Variants in DAG1 observed in about 807,000 individuals in gnomAD.
DAG1 encodes dystroglycan 1 (dystrophin-associated glycoprotein 1).
A neutral mutation model predicts 46.1 loss-of-function variants in DAG1; 8 were observed. That is an observed-to-expected ratio of 0.17 (90% confidence interval 0.10 to 0.31). The LOEUF (loss-of-function observed/expected upper bound fraction) is 0.31, where lower values mean the gene tolerates loss of function less well. Ranked by LOEUF, DAG1 falls within the 10% of genes least tolerant of loss-of-function variation. DAG1 has a pLI of 1.00. For missense variants in DAG1, 1,003 were observed against 1,189.9 expected, an observed-to-expected ratio of 0.84 and a Z score of 2.31; for synonymous variants, 495 against 481.8, an observed-to-expected ratio of 1.03 and a Z score of -0.36.
chr3:49,483,308 A>G (rs1445671318), intron 1 of DAG1, among the ~76,000 whole-genome samples: 1 of 150,568 alleles, frequency 6.6e-6, no homozygotes, highest in Non-Finnish European at 1.5e-5. Context: ...GATTCAAGTG[A>G]TTCTCCTGCC....
At chr3:49,513,904 T>C (rs2050826799) in intron 2 of DAG1, among the ~76,000 whole-genome samples, 1 of 152,320 alleles carries the variant, frequency 6.6e-6, no homozygotes, top group South Asian at 2.1e-4. Context: ...TTGGTTGCCT[T>C]TGTTCCAGTA....
At chr3:49,484,316 C>T (rs978605548) in intron 1 of DAG1, among the ~76,000 whole-genome samples, 6 of 151,964 alleles carry the variant, frequency 3.9e-5, no homozygotes, top group Non-Finnish European at 7.4e-5. Flanking sequence ...TAGCAGGAGA[C>T]GTTGGTTCTT....
chr3:49,510,226 T>C (rs2050725082), intron 1 of DAG1, 193 bp from the exon 2 acceptor site: 2 of 521,988 alleles, frequency 3.8e-6, no homozygotes, highest in Non-Finnish European at 6.7e-6. Context: ...GTATATTTTA[T>C]ATTTAATGGA....
chr3:49,521,062 A>G (rs1313126229), intron 2 of DAG1, among the ~76,000 whole-genome samples: 1 of 152,136 alleles, frequency 6.6e-6, no homozygotes, highest in East Asian at 1.9e-4. Flanking sequence ...AAGCTCCTCC[A>G]GCCATTTGCT....
At chr3:49,518,610 C>T (rs2107738457) in intron 2 of DAG1, among the ~76,000 whole-genome samples, 1 of 152,342 alleles carries the variant, frequency 6.6e-6, no homozygotes, top group East Asian at 1.9e-4. Flanking sequence ...CCTGGCTCTT[C>T]TGCTCTGCCC....
intron 2 of DAG1, among the ~76,000 whole-genome samples, chr3:49,529,191 TA>T (rs1204228515): frequency 1.3e-5 from 2 of 151,982 alleles, no homozygotes. Context: ...ATCTCATGGT[TA>T]AAAAAAATTT....
At chr3:49,522,475 C>CTT (rs35370244) in intron 2 of DAG1, among the ~76,000 whole-genome samples, 7 of 132,052 alleles carry the variant, frequency 5.3e-5, no homozygotes, top group East Asian at 4.5e-4. Flanking sequence ...CCTCCCACCC[C>CTT]TTTTTTTTTT....
chr3:49,471,729 A>G (rs991523863), intron 1 of DAG1, among the ~76,000 whole-genome samples: 1 of 152,242 alleles, frequency 6.6e-6, no homozygotes, highest in Non-Finnish European at 1.5e-5. Flanking sequence ...TGATTTTGCA[A>G]AATGCATTTA....
chr3:49,483,961 G>A (rs915427969), intron 1 of DAG1, among the ~76,000 whole-genome samples: 2 of 152,168 alleles, frequency 1.3e-5, no homozygotes, highest in African/African-American at 4.8e-5. Context: ...GCCCAGAAGT[G>A]TCTTATATTT....
intron 1 of DAG1, chr3:49,492,832 G>A (rs567716677): frequency 2.0e-5 from 3 of 151,964 alleles, no homozygotes; most frequent in East Asian, 3.9e-4. Flanking sequence ...GATAGCCCTG[G>A]GATCTCCTGA....
intron 2 of DAG1, among the ~76,000 whole-genome samples, chr3:49,528,572 A>C (rs915288016): frequency 4.6e-5 from 7 of 152,120 alleles, no homozygotes; most frequent in Admixed American, 2.6e-4. Context: ...GGCATGAGCC[A>C]CCACGCCCAG....
chr3:49,478,802 CTTTTTTTTTTTTTT>C (rs201202889), intron 1 of DAG1, among the ~76,000 whole-genome samples: 14 of 76,014 alleles, frequency 1.8e-4, no homozygotes, highest in African/African-American at 5.9e-4. Context: ...CGTCCCCTCC[CTTTTTTTTTTTTTT>C]TTTTTTTTTT....
At chr3:49,502,565 ATTAC>A (rs1241808936) in intron 1 of DAG1, among the ~76,000 whole-genome samples, 2 of 151,794 alleles carry the variant, frequency 1.3e-5, no homozygotes, top group Non-Finnish European at 2.9e-5. Context: ...TGTTTTACCT[ATTAC>A]TTATCTCACA....
intron 1 of DAG1, among the ~76,000 whole-genome samples, chr3:49,475,886 A>T (rs142316462): frequency 2.6e-5 from 4 of 151,614 alleles, no homozygotes; most frequent in Admixed American, 1.3e-4. Context: ...GTATATATAT[A>T]TTTTTTGTAT....
At chr3:49,529,794 G>A (rs1470593930) in intron 2 of DAG1, among the ~76,000 whole-genome samples, 1 of 152,172 alleles carries the variant, frequency 6.6e-6, no homozygotes, top group African/African-American at 2.4e-5. Flanking sequence ...GATGGGGCTG[G>A]GGCAAGAGCT....
intron 1 of DAG1, among the ~76,000 whole-genome samples, chr3:49,486,510 G>T (rs754503664): frequency 1.3e-5 from 2 of 150,812 alleles, no homozygotes; most frequent in East Asian, 2.0e-4. Flanking sequence ...GAGCCACCGC[G>T]CCCGGCCCTT....
chr3:49,493,802 A>C (rs1054534339), intron 1 of DAG1, among the ~76,000 whole-genome samples: 1 of 152,196 alleles, frequency 6.6e-6, no homozygotes, highest in Non-Finnish European at 1.5e-5. Flanking sequence ...CCTCTATGCA[A>C]GCCTGATTCT....
chr3:49,519,283 G>A (rs1377781267), intron 2 of DAG1, among the ~76,000 whole-genome samples: 1 of 152,186 alleles, frequency 6.6e-6, no homozygotes, highest in Non-Finnish European at 1.5e-5. Context: ...CCCCTCAGAT[G>A]TCTCATTTTG....
At chr3:49,517,183 C>T (rs561234050) in intron 2 of DAG1, among the ~76,000 whole-genome samples, 119 of 151,768 alleles carry the variant, frequency 7.8e-4, no homozygotes, top group African/African-American at 2.7e-3. Context: ...TTAGTAGAGA[C>T]GGGGTTTCAC....
Sources: gnomAD v4.1 joint callset for allele counts (sites outside exome capture counted in the v4.1 genomes callset) on GRCh38, gnomAD v4.1.1 for gene constraint, MANE v1.5 for transcripts, NCBI Gene and HGNC (gene_info 2026-07-23, HGNC 2026-07-21) for gene names.